The following SPTBN1 variants were observed in gnomAD, a reference collection of about 807,000 sequenced individuals.
The protein encoded by SPTBN1 is spectrin beta chain, non-erythrocytic 1.
A neutral mutation model predicts 266.4 loss-of-function variants in SPTBN1; 32 were observed. The ratio of observed to expected loss-of-function variants is 0.12; its 90% confidence interval spans 0.09 to 0.16. The LOEUF (loss-of-function observed/expected upper bound fraction) is 0.16. Ranked by LOEUF, SPTBN1 falls within the 10% of genes least tolerant of loss-of-function variation. The pLI is 1.00. For missense variants in SPTBN1, 2,296 were observed against 3,067.1 expected (o/e 0.75, Z 5.94); for synonymous variants, 1,336 against 1,162.2 (o/e 1.15, Z -3.04).
At chr2:54,635,491 G>T (rs1038100559) in intron 17 of SPTBN1, among the ~76,000 whole-genome samples, 1 of 152,238 alleles carries the variant, frequency 6.6e-6, no homozygotes, top group Non-Finnish European at 1.5e-5. Context: ...CACTATAGGA[G>T]AAAGGCTGCC....
At chr2:54,506,393 A>C (rs1002708720) in intron 1 of SPTBN1, among the ~76,000 whole-genome samples, 8 of 151,946 alleles carry the variant, frequency 5.3e-5, no homozygotes, top group African/African-American at 1.9e-4. Context: ...AGAACTTAAA[A>C]ATTCTCATGT....
At position 54,637,126 on chromosome 2, in the gene SPTBN1, G is replaced by A. The variant is rs1286706777; in HGVS notation, c.3768-587G>A. On this transcript the variant is annotated intron_variant, in intron 17 of 35. Transcript: ENST00000356805. The stretch of plus-strand genomic sequence containing the variant: ...CAGTTCTTACAAGTTATTTATTTAA[G>A]GTTTTGTGTTTTAACTTCTTTGAGC... 3.3e-5 allele frequency among the ~76,000 whole-genome samples: 5 copies of A among 152,210 alleles called. No homozygotes were observed. The South Asian group carries it at 1.0e-3, about 32-fold the overall frequency.
chr2:54,505,623 C>A (rs1417213590), intron 1 of SPTBN1, among the ~76,000 whole-genome samples: 1 of 152,126 alleles, frequency 6.6e-6, no homozygotes. Flanking sequence ...GGGGTCCTAG[C>A]TCCTGGGCTG....
chr2:54,626,940 A>G lies in SPTBN1; in HGVS notation c.1644+706A>G, dbSNP rs11904704. On this transcript the variant is annotated intron_variant, in intron 12 of 35. Transcript: ENST00000356805. The surrounding 1 kb of genome is among the most constrained non-coding windows in gnomAD (Gnocchi z 4.7). ...GCCCTGTACCTGTTCATGTCCTCCA[A>G]TGCAGGCCATGGAATGCTCAGCCAT... Among the ~76,000 whole-genome samples the G allele has an allele frequency of 4.4e-3, 672 of 152,244 alleles. 10 individuals carry two copies. Among genetic ancestry groups the G allele is most frequent in the African/African-American group, 0.015 (639 of 41,554 alleles).
Position 54,655,311 on chromosome 2 carries a change from T to C in SPTBN1, c.5961+103T>C, listed in dbSNP as rs535132318. The stretch of plus-strand genomic sequence containing the variant: ...CAGAGATACTGTGTTTACATTCTTA[T>C]ACACACACACATATGTTTTAAAACT... On this transcript the variant is annotated intron_variant, in intron 28 of 35. Coordinates refer to ENST00000356805, the MANE Select transcript of SPTBN1 (RefSeq NM_003128.3). 3.6e-6 allele frequency: 5 copies of C among 1,407,716 alleles called. No individual in the cohort carries two copies. In the South Asian group the frequency reaches 4.1e-5, roughly 12 times the overall value. The allele number at this position is 1,407,716 out of a possible 1,614,324, so 87.2% of individuals were successfully genotyped here. A position where few individuals can be genotyped will look rare whatever the true frequency, so the allele number is the denominator to read the frequency against.
At chr2:54,583,649 C>T (rs951645960) in intron 2 of SPTBN1, among the ~76,000 whole-genome samples, 10 of 152,020 alleles carry the variant, frequency 6.6e-5, no homozygotes, top group African/African-American at 1.9e-4. Flanking sequence ...GTTTGTTTGC[C>T]GTATTATGCT....
intron 2 of SPTBN1, among the ~76,000 whole-genome samples, chr2:54,593,714 A>G (rs1025175718): frequency 2.0e-5 from 3 of 151,888 alleles, no homozygotes; most frequent in African/African-American, 7.2e-5. Flanking sequence ...CACCATCCCA[A>G]CAGATGGAGA....
At chr2:54,599,380 C>T (rs1397399441) in intron 3 of SPTBN1, 137 bp downstream of exon 3, 22 of 1,031,132 alleles carry the variant, frequency 2.1e-5, no homozygotes, top group Admixed American at 2.3e-5. Context: ...GTGAGTTGAG[C>T]GCTTCAGGGA....
chr2:54,642,493 A>T (rs1368864213), intron 18 of SPTBN1, among the ~76,000 whole-genome samples: 2 of 151,156 alleles, frequency 1.3e-5, no homozygotes, highest in Admixed American at 6.6e-5. Flanking sequence ...ATTCCCTTCG[A>T]TGCACCCACA....
chr2:54,569,889 C>T (rs1373656550), intron 2 of SPTBN1, among the ~76,000 whole-genome samples: 1 of 152,114 alleles, frequency 6.6e-6, no homozygotes, highest in African/African-American at 2.4e-5. Flanking sequence ...ACCCCCACCC[C>T]CAAACCTGTT....
intron 3 of SPTBN1, among the ~76,000 whole-genome samples, chr2:54,610,310 A>G (rs779621992): frequency 7.2e-5 from 11 of 152,152 alleles, no homozygotes; most frequent in African/African-American, 1.2e-4. Flanking sequence ...TCACCTTCCT[A>G]TGCCTTTAAA....
At chr2:54,468,906 G>A (rs935097250) in intron 1 of SPTBN1, among the ~76,000 whole-genome samples, 2 of 152,146 alleles carry the variant, frequency 1.3e-5, no homozygotes, top group Non-Finnish European at 2.9e-5. Context: ...GTGTCGCAGT[G>A]GAATGGATGT....
intron 1 of SPTBN1, among the ~76,000 whole-genome samples, chr2:54,498,899 C>T (rs972800923): frequency 1.3e-5 from 2 of 152,130 alleles, no homozygotes; most frequent in South Asian, 4.1e-4. Context: ...GTGTTTTCAC[C>T]TAGTGGTTAA....
chr2:54,494,630 CAAAA>C (rs920598546), intron 1 of SPTBN1, among the ~76,000 whole-genome samples: 5 of 151,806 alleles, frequency 3.3e-5, no homozygotes, highest in African/African-American at 4.8e-5. Flanking sequence ...AGCAGCCAGA[CAAAA>C]AAAGAGTTCT....
chr2:54,633,867 C>CT (rs1678935638), intron 17 of SPTBN1, among the ~76,000 whole-genome samples: 1 of 152,140 alleles, frequency 6.6e-6, no homozygotes, highest in Non-Finnish European at 1.5e-5. Context: ...CACTTCCAAT[C>CT]TTTTTTTCTG....
chr2:54,566,932 A>G (rs1673703201), intron 2 of SPTBN1, among the ~76,000 whole-genome samples: 1 of 152,262 alleles, frequency 6.6e-6, no homozygotes, highest in Admixed American at 6.5e-5. Flanking sequence ...CTTTAAAAGC[A>G]GGAAGGATCC....
intron 1 of SPTBN1, 142 bp from the exon 2 acceptor site, chr2:54,526,230 A>G (rs1189735441): frequency 1.1e-5 from 7 of 627,198 alleles, no homozygotes; most frequent in African/African-American, 1.8e-5. Flanking sequence ...AGACAGTGCT[A>G]AAACCTAAAA....
chr2:54,626,244 G>C lies in SPTBN1; in HGVS notation c.1644+10G>C, dbSNP rs1678317020. The C allele has an allele frequency of 6.2e-7, 1 of 1,608,578 alleles. No individual in the cohort carries two copies. The highest frequency in any genetic ancestry group is 8.5e-7 in the Non-Finnish European group (1 of 1,175,990). ...GATGGATGAAATGAAGGTAAAACCT[G>C]ACCGAAAGGAAGGACGACAGAGCTG... On this transcript the variant is annotated intron_variant, in intron 12 of 35. Transcript: ENST00000356805. The surrounding 1 kb of genome is among the most constrained non-coding windows in gnomAD (Gnocchi z 4.7).
intron 1 of SPTBN1, among the ~76,000 whole-genome samples, chr2:54,480,102 C>A (rs7602152): frequency 6.6e-6 from 1 of 152,166 alleles, no homozygotes; most frequent in Non-Finnish European, 1.5e-5. Flanking sequence ...TTTTCAGCTA[C>A]GTGTATATGT....
Sources: allele counts gnomAD v4.1 joint callset (sites outside exome capture counted in the v4.1 genomes callset), GRCh38; gene constraint gnomAD v4.1.1; non-coding constraint Gnocchi (gnomAD v3.1); transcripts MANE v1.5; gene names NCBI Gene and HGNC (gene_info 2026-07-23, HGNC 2026-07-21).